Variants in ERC1 observed in about 807,000 individuals in gnomAD.
ERC1 encodes RAB6 interacting protein 2.
In ERC1, 56 loss-of-function variants were observed where a neutral mutation model predicts 132.0. The observed-to-expected ratio is 0.42, with a 90% CI of 0.34 to 0.53. ERC1 has a LOEUF of 0.53. ERC1 is among the 20% of genes least tolerant of loss of function. The pLI, the probability that ERC1 is intolerant of heterozygous loss-of-function variation, is 0.03. For missense variants in ERC1, 1,202 were observed against 1,349.9 expected (o/e 0.89, Z 1.72); for synonymous variants, 478 against 476.1 (o/e 1.00, Z -0.05).
At chr12:1,408,019 T>C in intron 16 of ERC1, 130 bp from the exon 17 acceptor site, 1 of 628,922 alleles carries the variant, frequency 1.6e-6, no homozygotes, top group Non-Finnish European at 2.8e-6. Flanking sequence ...AGAAATCCCA[T>C]ATTTAGTTTA....
chr12:1,092,156 G>T (rs1943319784), intron 3 of ERC1, among the ~76,000 whole-genome samples: 1 of 151,942 alleles, frequency 6.6e-6, no homozygotes, highest in African/African-American at 2.4e-5. Context: ...CCATCACCAG[G>T]CCCAGCTAAT....
chr12:1,458,296 C>G (rs1257783174), intron 18 of ERC1, among the ~76,000 whole-genome samples: 2 of 151,998 alleles, frequency 1.3e-5, no homozygotes, highest in Non-Finnish European at 2.9e-5. Flanking sequence ...GGAGATCAAG[C>G]AAATGAGTAA....
intron 12 of ERC1, among the ~76,000 whole-genome samples, chr12:1,199,630 T>C (rs1339444692): frequency 1.3e-5 from 2 of 151,804 alleles, no homozygotes; most frequent in South Asian, 4.2e-4. Context: ...AAAAAAAAAT[T>C]AGCCGGGCAT....
At chr12:1,182,577 G>A (rs1428432290) in intron 10 of ERC1, among the ~76,000 whole-genome samples, 1 of 151,948 alleles carries the variant, frequency 6.6e-6, no homozygotes, top group African/African-American at 2.4e-5. Flanking sequence ...ATCTTTCTGT[G>A]GATTTTCTTT....
At chr12:1,158,588 C>T (rs1951608099) in intron 8 of ERC1, among the ~76,000 whole-genome samples, 1 of 149,924 alleles carries the variant, frequency 6.7e-6, no homozygotes, top group Admixed American at 6.7e-5. Context: ...CGCCACCATG[C>T]CCAGCTAATT....
intron 3 of ERC1, among the ~76,000 whole-genome samples, chr12:1,096,136 C>T (rs1451953896): frequency 2.6e-5 from 4 of 152,212 alleles, no homozygotes; most frequent in Non-Finnish European, 5.9e-5. Context: ...CCGTGTTGCC[C>T]AGGCTGGTCT....
rs193015796 is a variant in ERC1, at chr12:1,132,136, G to A, written c.1570-9484G>A. Among the ~76,000 whole-genome samples, 368 of 152,264 alleles carry A rather than the reference G, an allele frequency of 2.4e-3. 1 individual carries two copies. The highest frequency in any genetic ancestry group is 7.8e-3 in the African/African-American group (323 of 41,556). ...CCAAAAGATCAGTGTAGAATTCAGA[G>A]CAATTAATCTGGTAGTAGCAAAGTG... On this transcript the variant is annotated intron_variant, in intron 7 of 18. Transcript: ENST00000360905.
Position 1,110,307 on chromosome 12 carries a change from T to C in ERC1, c.1277T>C (p.Met426Thr). 6.2e-7 allele frequency: 1 copy of C among 1,613,406 alleles called. No homozygotes were observed. Among genetic ancestry groups the C allele is most frequent in the Non-Finnish European group, 8.5e-7 (1 of 1,179,646 alleles). Residue 426 changes from methionine to threonine, a missense_variant, in exon 5 of 19, where the codon ATG (methionine) becomes ACG (threonine). Physicochemically the swap from Met to Thr is moderately conservative, Grantham distance 81. Transcript: ENST00000360905. ...GAAAGGGAAGAAGAAATGAAGCAAA[T>C]GGAAGTGTATCGGAGCCATTCTAAA... The part of the protein sequence containing the change: ...TEEREEEMKQ[M>T]EVYRSHSKFM...
intron 16 of ERC1, among the ~76,000 whole-genome samples, chr12:1,406,717 T>C (rs2091517316): frequency 6.6e-6 from 1 of 151,888 alleles, no homozygotes; most frequent in Non-Finnish European, 1.5e-5. Flanking sequence ...AAAAGAAAAT[T>C]TTTTAATTAG....
chr12:1,008,639 GAAATA>G (rs201843035), intron 1 of ERC1, among the ~76,000 whole-genome samples: 22,507 of 151,870 alleles, frequency 0.15, 2,069 homozygotes, highest in Non-Finnish European at 0.2. Context: ...TATCTTAATT[GAAATA>G]CTAATTTTTT....
At chr12:1,402,322 G>A (rs1262583186) in intron 16 of ERC1, among the ~76,000 whole-genome samples, 3 of 152,268 alleles carry the variant, frequency 2.0e-5, no homozygotes, top group Admixed American at 6.5e-5. Flanking sequence ...TTGAGGTCAG[G>A]AGTTCAAAAC....
chr12:1,448,046 A>G (rs1367848687), intron 18 of ERC1, among the ~76,000 whole-genome samples: 2 of 152,216 alleles, frequency 1.3e-5, no homozygotes, highest in Non-Finnish European at 2.9e-5. Context: ...GGAAAAAAAA[A>G]TCTTCAGAGT....
chr12:1,185,467 C>T (rs1022174256), intron 11 of ERC1, among the ~76,000 whole-genome samples: 11 of 150,016 alleles, frequency 7.3e-5, no homozygotes, highest in African/African-American at 2.7e-4. Flanking sequence ...ATTTTGTTTC[C>T]CTTGATTATC....
At chr12:1,094,442 G>T (rs10744531) in intron 3 of ERC1, among the ~76,000 whole-genome samples, 1 of 142,992 alleles carries the variant, frequency 7.0e-6, no homozygotes, top group Non-Finnish European at 1.5e-5. Flanking sequence ...ACAGAGTCTC[G>T]CTCTATCGCC....
intron 18 of ERC1, among the ~76,000 whole-genome samples, chr12:1,483,955 G>A (rs78810199): frequency 0.34 from 51,252 of 151,150 alleles, 9,138 homozygotes; most frequent in African/African-American, 0.45. Context: ...CGGCCTCCCT[G>A]AGTGCTGGGA....
chr12:1,273,816 GT>G (rs1215331275), intron 14 of ERC1, among the ~76,000 whole-genome samples: 1 of 152,192 alleles, frequency 6.6e-6, no homozygotes, highest in Non-Finnish European at 1.5e-5. Flanking sequence ...CATATACATA[GT>G]TAGTAGATAC....
intron 1 of ERC1, among the ~76,000 whole-genome samples, chr12:1,021,323 T>G (rs952204995): frequency 6.6e-6 from 1 of 152,134 alleles, no homozygotes; most frequent in Non-Finnish European, 1.5e-5. Flanking sequence ...AGGCCATTTT[T>G]CAGGATTGTG....
chr12:1,124,705 G>GT (rs1947954108), intron 7 of ERC1, among the ~76,000 whole-genome samples: 2 of 152,182 alleles, frequency 1.3e-5, no homozygotes, highest in South Asian at 4.2e-4. Context: ...TTTGAAAAAG[G>GT]TTAATAGGAC....
At chr12:1,068,720 C>T (rs1290756729) in intron 2 of ERC1, among the ~76,000 whole-genome samples, 7 of 152,156 alleles carry the variant, frequency 4.6e-5, no homozygotes, top group South Asian at 4.1e-4. Context: ...CTCTTATGCC[C>T]GATTGCTTAT....
Sources: gnomAD v4.1 joint callset for allele counts (sites outside exome capture counted in the v4.1 genomes callset) on GRCh38, gnomAD v4.1.1 for gene constraint, MANE v1.5 for transcripts, NCBI Gene and HGNC (gene_info 2026-07-23, HGNC 2026-07-21) for gene names.